The following DCAF6 variants were observed in gnomAD, a reference collection of about 807,000 sequenced individuals.
The protein encoded by DCAF6 is DDB1 and CUL4 associated factor 6, also known as DDB1- and CUL4-associated factor 6.
Under a neutral mutation model 125.1 loss-of-function variants are expected in DCAF6, and 54 were observed. That is an observed-to-expected ratio of 0.43 (90% CI 0.35 to 0.54). The LOEUF is 0.54. Among genes scored for constraint, DCAF6 ranks in the 20% least tolerant of loss-of-function variants. The pLI is 0.01. For missense variants in DCAF6, 934 were observed against 1,161.7 expected (o/e 0.80, Z 2.85); for synonymous variants, 371 against 390.4 (o/e 0.95, Z 0.58).
chr1:167,936,615 G>A (rs1225404429), upstream of DCAF6: 4 of 355,566 alleles, frequency 1.1e-5, no homozygotes, highest in Non-Finnish European at 2.1e-5. Flanking sequence ...GGGAGGAGTC[G>A]CCATCGCCTC....
At chr1:167,887,138 C>T in the DCAF6 span, among the ~76,000 whole-genome samples, 6 of 152,064 alleles carry the variant, frequency 3.9e-5, no homozygotes, top group Admixed American at 2.0e-4. Context: ...GACAGTGTGG[C>T]GATTCCTCAA....
At position 167,991,325 on chromosome 1, in the gene DCAF6, G is replaced by A. The variant is rs374086980; in HGVS notation, c.674G>A (p.Gly225Asp). 5.0e-6 allele frequency: 8 copies of A among 1,611,360 alleles called. No homozygotes were observed. In the African/African-American group the frequency reaches 9.4e-5, roughly 19 times the overall value. ...CGAATATATGATCGGCGAATGCTGG[G>A]CACAAGAGCTACAGGTAAGAAGATA... ...SVRIYDRRML[G>D]TRATGNYAGR... The change falls in exon 6 of 22, where the codon GGC (glycine) becomes GAC (aspartate). Residue 225 changes from glycine (G) to aspartate (D), a missense_variant. By Grantham distance (94) the Gly-to-Asp change is moderately conservative. Around this residue, in one of 5 missense-constraint regions of DCAF6, gnomAD observed 309 missense variants for 381.2 expected, o/e 0.81. Coordinates refer to ENST00000367840, the MANE Select transcript of DCAF6 (RefSeq NM_001198956.2).
the DCAF6 span, among the ~76,000 whole-genome samples, chr1:167,892,665 A>G: frequency 6.6e-6 from 1 of 152,118 alleles, no homozygotes; most frequent in Non-Finnish European, 1.5e-5. Flanking sequence ...ACTAGGGGTA[A>G]TGTTTTTACA....
chr1:168,009,564 T>G (rs1344202797), intron 10 of DCAF6, among the ~76,000 whole-genome samples: 1 of 147,792 alleles, frequency 6.8e-6, no homozygotes, highest in African/African-American at 2.5e-5. Flanking sequence ...CTTTTTCTCC[T>G]TTCCCATCTT....
chr1:168,019,215 A>AT (rs113860874), intron 11 of DCAF6, among the ~76,000 whole-genome samples: 11 of 151,920 alleles, frequency 7.2e-5, no homozygotes, highest in African/African-American at 2.7e-4. Context: ...TGCCCGGCTA[A>AT]TTTTTTGTAT....
intron 20 of DCAF6, 87 bp from the exon 21 acceptor site, chr1:168,068,271 G>C: frequency 1.2e-6 from 1 of 854,692 alleles, no homozygotes; most frequent in Middle Eastern, 2.2e-4. Flanking sequence ...TCCTGGTACT[G>C]GCTGATTGTT....
At chr1:168,073,469 A>C (rs1475041838) in intron 21 of DCAF6, among the ~76,000 whole-genome samples, 2 of 152,192 alleles carry the variant, frequency 1.3e-5, no homozygotes, top group Non-Finnish European at 2.9e-5. Context: ...TTCAGAAGCC[A>C]CTGTCACTTA....
At chr1:167,933,597 C>T (rs1431734907), upstream of DCAF6, among the ~76,000 whole-genome samples, 1 of 152,196 alleles carries the variant, frequency 6.6e-6, no homozygotes, top group Non-Finnish European at 1.5e-5. Context: ...TAATAAACTC[C>T]TTGTAGGTGA....
At chr1:167,871,855 A>G in the DCAF6 span, among the ~76,000 whole-genome samples, 1 of 152,138 alleles carries the variant, frequency 6.6e-6, no homozygotes, top group African/African-American at 2.4e-5. Flanking sequence ...TTGAACCTCA[A>G]TTTCGTGAGA....
Position 168,065,619 on chromosome 1 carries a change from CTTT to C in DCAF6, c.2470_2472del (p.Phe824del), listed in dbSNP as rs1558051882. The C allele has an allele frequency of 6.2e-7, 1 of 1,609,236 alleles. No homozygotes were observed. The highest frequency in any genetic ancestry group is 1.7e-5 in the Admixed American group (1 of 59,770). Reference sequence around the variant, plus strand: ...AAGAAGCCAATTTCTGGGGTGCTAACTTTGTAATGAGTGGTTCTGACTGTGGCC... The same window carrying C: ...AAGAAGCCAATTTCTGGGGTGCTAACGTAATGAGTGGTTCTGACTGTGGCC... On this transcript the variant is annotated inframe_deletion, in exon 19 of 22. Coordinates refer to ENST00000367840, the MANE Select transcript of DCAF6 (RefSeq NM_001198956.2).
chr1:168,012,831 A>T (rs1553233877), intron 10 of DCAF6, among the ~76,000 whole-genome samples: 1 of 152,216 alleles, frequency 6.6e-6, no homozygotes, highest in African/African-American at 2.4e-5. Flanking sequence ...GGTTCATAAG[A>T]TTATCACAAC....
the DCAF6 span, among the ~76,000 whole-genome samples, chr1:167,890,458 C>T: frequency 4.6e-5 from 7 of 152,066 alleles, no homozygotes; most frequent in Admixed American, 2.6e-4. Context: ...GGTGGGGTCA[C>T]ACAAGCACCC....
chr1:167,885,551 G>A, the DCAF6 span, among the ~76,000 whole-genome samples: 18 of 152,062 alleles, frequency 1.2e-4, no homozygotes, highest in Non-Finnish European at 1.6e-4. Context: ...GTGATGTTGT[G>A]CACCTTTTCA....
chr1:167,964,838 T>TCA (rs1273404842), intron 2 of DCAF6, among the ~76,000 whole-genome samples: 2 of 152,236 alleles, frequency 1.3e-5, no homozygotes, highest in African/African-American at 4.8e-5. Flanking sequence ...AATACGCCCA[T>TCA]CAGAGGCATT....
At chr1:168,003,809 T>G in intron 8 of DCAF6, 61 bp from the exon 9 acceptor site, 1 of 1,451,766 alleles carries the variant, frequency 6.9e-7, no homozygotes. Context: ...TCTAGGTTTT[T>G]GTATTAATGA....
the DCAF6 span, among the ~76,000 whole-genome samples, chr1:167,894,197 C>T: frequency 6.6e-6 from 1 of 152,108 alleles, no homozygotes; most frequent in Admixed American, 6.6e-5. Flanking sequence ...CGCTTTGGGA[C>T]TTAGGGAGAT....
At chr1:167,977,891 C>T (rs1184979032) in intron 4 of DCAF6, among the ~76,000 whole-genome samples, 1 of 152,160 alleles carries the variant, frequency 6.6e-6, no homozygotes, top group East Asian at 1.9e-4. Context: ...CATTAAGTAT[C>T]CCAAAAGCTC....
chr1:167,933,573 C>G (rs1670974533), upstream of DCAF6, among the ~76,000 whole-genome samples: 1 of 152,194 alleles, frequency 6.6e-6, no homozygotes, highest in African/African-American at 2.4e-5. Flanking sequence ...AATATTGTAG[C>G]ATTTCATATC....
intron 17 of DCAF6, among the ~76,000 whole-genome samples, chr1:168,060,828 G>T (rs1691497508): frequency 6.6e-6 from 1 of 152,198 alleles, no homozygotes; most frequent in Admixed American, 6.5e-5. Flanking sequence ...GGCAGAGGTT[G>T]CAGTGAGCTG....
Sources: gnomAD v4.1 joint callset for allele counts (sites outside exome capture counted in the v4.1 genomes callset) on GRCh38, gnomAD v4.1.1 for gene constraint, gnomAD v4.1.1 regional missense constraint, MANE v1.5 for transcripts, NCBI Gene and HGNC (gene_info 2026-07-23, HGNC 2026-07-21) for gene names.